TOX2: variants seen among roughly 807,000 people sequenced by gnomAD.
TOX2 encodes TOX high mobility group box family member 2.
TOX2 carries 15 observed loss-of-function variants against 47.4 expected under a neutral mutation model. The ratio of observed to expected loss-of-function variants is 0.32; its 90% CI spans 0.21 to 0.49. TOX2 has a LOEUF of 0.49. Ranked by LOEUF, TOX2 falls within the 20% of genes least tolerant of loss-of-function variation. The probability of loss-of-function intolerance (pLI) is 0.99; values close to 1 mark genes in which losing one functional copy is unlikely to be tolerated. For missense variants in TOX2, 622 were observed against 673.1 expected, an observed-to-expected ratio of 0.92 and a Z score of 0.84; for synonymous variants, 290 against 296.6, an observed-to-expected ratio of 0.98 and a Z score of 0.23.
chr20:44,037,753 CTT>C (rs2071264318), intron 3 of TOX2, among the ~76,000 whole-genome samples: 1 of 152,102 alleles, frequency 6.6e-6, no homozygotes, highest in Admixed American at 6.6e-5. Flanking sequence ...AAGTGCTACT[CTT>C]TTAAATTACT....
intron 1 of TOX2, among the ~76,000 whole-genome samples, chr20:43,950,676 C>T (rs574616444): frequency 7.0e-4 from 106 of 152,190 alleles, no homozygotes; most frequent in African/African-American, 2.3e-3. Flanking sequence ...TCAATGAGGC[C>T]CACCTTGACT....
At chr20:43,958,183 A>G (rs2069698696) in intron 1 of TOX2, among the ~76,000 whole-genome samples, 1 of 151,786 alleles carries the variant, frequency 6.6e-6, no homozygotes, top group Non-Finnish European at 1.5e-5. Flanking sequence ...CTTCTGTTTC[A>G]TTGATTTTAG....
At chr20:43,980,561 T>C (rs187248107) in intron 2 of TOX2, among the ~76,000 whole-genome samples, 25 of 152,374 alleles carry the variant, frequency 1.6e-4, no homozygotes, top group Non-Finnish European at 2.5e-4. Flanking sequence ...TAACCCATTC[T>C]CCATGATGTA....
chr20:44,038,584 GA>G (rs555972507), intron 3 of TOX2, among the ~76,000 whole-genome samples: 40 of 151,372 alleles, frequency 2.6e-4, no homozygotes, highest in Non-Finnish European at 5.0e-4. Flanking sequence ...AATTGTGGGG[GA>G]AAAAAATTCC....
At chr20:43,973,335 C>A in intron 1 of TOX2, 32 bp from the exon 2 acceptor site, 1 of 1,609,816 alleles carries the variant, frequency 6.2e-7, no homozygotes. Context: ...GCATTTTAAT[C>A]AGAGCTGCTT....
chr20:44,002,825 T>C (rs1051000403), intron 2 of TOX2, among the ~76,000 whole-genome samples: 1 of 152,030 alleles, frequency 6.6e-6, no homozygotes. Context: ...CATGAATGAA[T>C]AGAGCAAAAA....
intron 1 of TOX2, among the ~76,000 whole-genome samples, chr20:43,932,684 T>G (rs2145323099): frequency 6.6e-6 from 1 of 152,004 alleles, no homozygotes; most frequent in Non-Finnish European, 1.5e-5. Flanking sequence ...GTCATGGACA[T>G]CCCCTCGGAG....
At chr20:43,964,405 C>A (rs1490491092) in intron 1 of TOX2, among the ~76,000 whole-genome samples, 1 of 152,236 alleles carries the variant, frequency 6.6e-6, no homozygotes, top group Non-Finnish European at 1.5e-5. Flanking sequence ...ACCTAGGTTG[C>A]AGCTGTCTCT....
chr20:43,918,128 T>C (rs2069077855), intron 1 of TOX2, among the ~76,000 whole-genome samples: 1 of 152,210 alleles, frequency 6.6e-6, no homozygotes, highest in Non-Finnish European at 1.5e-5. Flanking sequence ...AACATCTTTC[T>C]TAGGGTAACT....
At position 43,915,409 on chromosome 20, in the gene TOX2, C is replaced by A. The variant is rs900631239; in HGVS notation, c.99+419C>A. On this transcript the variant is annotated intron_variant, in intron 1 of 8. Transcript: ENST00000341197. This position sits in a 1 kb window ranked among gnomAD's most constrained non-coding sequence, Gnocchi z 7.1. ...CCGCCACAGACGAGTCACCCACAGACGCTCCGATGCCCCACACACCGTGAC... is the reference window on the plus strand; with the variant it reads ...CCGCCACAGACGAGTCACCCACAGAAGCTCCGATGCCCCACACACCGTGAC... Among the ~76,000 whole-genome samples, 10 of 152,160 alleles carry A rather than the reference C, an allele frequency of 6.6e-5. No homozygotes were observed. Among genetic ancestry groups the A allele is most frequent in the Non-Finnish European group, 1.5e-4 (10 of 68,022 alleles).
intron 8 of TOX2, 99 bp downstream of exon 8, chr20:44,066,956 G>T: frequency 8.0e-6 from 12 of 1,503,740 alleles, no homozygotes; most frequent in Non-Finnish European, 1.1e-5. Flanking sequence ...CGTGGACAGG[G>T]GAGGACCCTG....
intron 3 of TOX2, among the ~76,000 whole-genome samples, chr20:44,050,200 A>G (rs549161498): frequency 1.2e-3 from 178 of 152,372 alleles, no homozygotes; most frequent in Admixed American, 3.1e-3. Flanking sequence ...TCATTTGTCA[A>G]TTAAAAAATA....
chr20:43,998,970 G>C (rs980004168), intron 2 of TOX2, among the ~76,000 whole-genome samples: 4 of 152,120 alleles, frequency 2.6e-5, no homozygotes, highest in Admixed American at 2.6e-4. Flanking sequence ...ATATTGGCCA[G>C]GCTCATCTTG....
chr20:44,017,911 GTGAA>G (rs1277331026), intron 3 of TOX2, among the ~76,000 whole-genome samples: 1 of 152,238 alleles, frequency 6.6e-6, no homozygotes, highest in Non-Finnish European at 1.5e-5. Flanking sequence ...AAATGAATGA[GTGAA>G]TGAGCAAGGC....
intron 1 of TOX2, among the ~76,000 whole-genome samples, chr20:43,965,993 G>A (rs1180130199): frequency 6.6e-6 from 1 of 152,152 alleles, no homozygotes; most frequent in African/African-American, 2.4e-5. Flanking sequence ...AAGGGGATAG[G>A]AGTTGATATA....
intron 2 of TOX2, among the ~76,000 whole-genome samples, chr20:43,976,782 G>GCGCA (rs1555835309): frequency 0.038 from 5,532 of 146,506 alleles, 145 homozygotes; most frequent in South Asian, 0.12. Context: ...GAGCGCGCGC[G>GCGCA]CACACACACA....
intron 2 of TOX2, among the ~76,000 whole-genome samples, chr20:44,005,375 C>T (rs956024238): frequency 6.6e-6 from 1 of 152,200 alleles, no homozygotes; most frequent in Non-Finnish European, 1.5e-5. Context: ...GTTGACACAC[C>T]TCTTTTCTGC....
chr20:43,950,654 A>G (rs1198232225), intron 1 of TOX2, among the ~76,000 whole-genome samples: 1 of 151,890 alleles, frequency 6.6e-6, no homozygotes, highest in African/African-American at 2.4e-5. Flanking sequence ...TCTTGGCTCC[A>G]CTATCACTTC....
chr20:43,988,153 C>T (rs367955335), intron 2 of TOX2, among the ~76,000 whole-genome samples: 2 of 152,120 alleles, frequency 1.3e-5, no homozygotes, highest in South Asian at 4.2e-4. Context: ...CTCTTGACCT[C>T]GTGATCTGCC....
Sources: allele counts gnomAD v4.1 joint callset (sites outside exome capture counted in the v4.1 genomes callset), GRCh38; gene constraint gnomAD v4.1.1; non-coding constraint Gnocchi (gnomAD v3.1); transcripts MANE v1.5; gene names NCBI Gene and HGNC (gene_info 2026-07-23, HGNC 2026-07-21).